The following BORCS5 variants were observed in gnomAD, a reference collection of about 807,000 sequenced individuals.
The protein encoded by BORCS5 is BLOC-1 related complex subunit 5.
Under a neutral mutation model 22.1 loss-of-function variants are expected in BORCS5, and 17 were observed. The observed-to-expected ratio is 0.77, with a 90% CI of 0.53 to 1.15. BORCS5 has a LOEUF of 1.15. BORCS5 is among the 50% of genes most tolerant of loss of function. The pLI, the probability that BORCS5 is intolerant of heterozygous loss-of-function variation, is 0.00. For synonymous variants in BORCS5, 117 were observed against 99.8 expected, an observed-to-expected ratio of 1.17 and a Z score of -1.03; for missense variants, 247 against 253.2, an observed-to-expected ratio of 0.98 and a Z score of 0.17.
At chr12:12,405,230 C>G (rs1941569569) in intron 2 of BORCS5, among the ~76,000 whole-genome samples, 1 of 152,182 alleles carries the variant, frequency 6.6e-6, no homozygotes, top group South Asian at 2.1e-4. Context: ...CATCTTGATT[C>G]TAAAGTATAA....
At chr12:12,457,435 C>T (rs1389601110) in intron 3 of BORCS5, among the ~76,000 whole-genome samples, 6 of 152,276 alleles carry the variant, frequency 3.9e-5, no homozygotes, top group Admixed American at 1.3e-4. Flanking sequence ...TTTGGGAGGC[C>T]GAGGCGGGCG....
At chr12:12,389,816 G>T (rs923960477) in intron 2 of BORCS5, among the ~76,000 whole-genome samples, 1 of 151,870 alleles carries the variant, frequency 6.6e-6, no homozygotes, top group Non-Finnish European at 1.5e-5. Flanking sequence ...GCTAATTTTT[G>T]TATTTTTAGT....
At chr12:12,457,137 G>A (rs1943011692) in intron 3 of BORCS5, among the ~76,000 whole-genome samples, 2 of 152,098 alleles carry the variant, frequency 1.3e-5, no homozygotes, top group Admixed American at 6.5e-5. Flanking sequence ...TTTTTCCTGG[G>A]AACTGTTCTA....
chr12:12,409,731 T>C (rs1292099544), intron 2 of BORCS5, among the ~76,000 whole-genome samples: 1 of 152,160 alleles, frequency 6.6e-6, no homozygotes, highest in African/African-American at 2.4e-5. Context: ...TTATAATCCT[T>C]TGGGTATATA....
intron 2 of BORCS5, among the ~76,000 whole-genome samples, chr12:12,374,284 C>A (rs999855952): frequency 6.6e-6 from 1 of 151,812 alleles, no homozygotes; most frequent in African/African-American, 2.4e-5. Flanking sequence ...AGCCACCGCA[C>A]CCGGCCAAGG....
chr12:12,401,330 G>T (rs775476296), intron 2 of BORCS5, among the ~76,000 whole-genome samples: 59 of 152,118 alleles, frequency 3.9e-4, no homozygotes, highest in Non-Finnish European at 5.9e-4. Flanking sequence ...TATTGTCCCA[G>T]CTGTTCCTTG....
In BORCS5 at chr12:12,415,569, G is replaced by GAGGGGA. The variant is rs1941921444; in HGVS notation, c.203-20054_203-20053insAAGGGG. On this transcript the variant is annotated intron_variant, in intron 2 of 3. Coordinates refer to ENST00000314565, the MANE Select transcript of BORCS5 (RefSeq NM_058169.6). ...GAGACCGTGGAGAGAGGGGGAGGGG[G>GAGGGGA]AGGGGGAGGGGCGATTTTGTGGTTT... Among the ~76,000 whole-genome samples the GAGGGGA allele has an allele frequency of 1.5e-3, 139 of 93,458 alleles. 6 individuals carry two copies. The highest frequency in any genetic ancestry group is 5.4e-3 in the African/African-American group (128 of 23,522). The allele number at this position is 93,458 out of a possible 152,430, so 61.3% of individuals were successfully genotyped here.
chr12:12,463,377 A>G (rs1040550125), intron 3 of BORCS5, among the ~76,000 whole-genome samples: 5 of 152,206 alleles, frequency 3.3e-5, no homozygotes, highest in African/African-American at 1.2e-4. Context: ...TTTAAAAGGT[A>G]ATAACTTTCC....
rs71436712 is a variant in BORCS5 at position 12,362,636 on chromosome 12, C to CTTTTTTTTTTTTT, written c.202+1301_202+1313dup. Among the ~76,000 whole-genome samples the CTTTTTTTTTTTTT allele has an allele frequency of 2.1e-4, 12 of 57,586 alleles. 2 individuals carry two copies. Among genetic ancestry groups the CTTTTTTTTTTTTT allele is most frequent in the African/African-American group, 5.5e-4 (10 of 18,272 alleles). The allele number at this position is 57,586 out of a possible 152,430, so 37.8% of individuals were successfully genotyped here. A position where few individuals can be genotyped will look rare whatever the true frequency, so the allele number is the denominator to read the frequency against. On this transcript the variant is annotated intron_variant, in intron 2 of 3. Coordinates refer to ENST00000314565, the MANE Select transcript of BORCS5 (RefSeq NM_058169.6). ...CAACACATTATATCATGTTACTCAT[C>CTTTTTTTTTTTTT]TTTTTTTTTTTTTTTTTTTTTTTTT...
intron 3 of BORCS5, among the ~76,000 whole-genome samples, chr12:12,460,371 A>G (rs1232102711): frequency 6.6e-6 from 1 of 152,230 alleles, no homozygotes; most frequent in African/African-American, 2.4e-5. Context: ...CAGCCTTGCT[A>G]ACTTCACTTT....
chr12:12,432,600 A>C (rs1455715876), intron 2 of BORCS5, among the ~76,000 whole-genome samples: 1 of 152,352 alleles, frequency 6.6e-6, no homozygotes, highest in East Asian at 1.9e-4. Flanking sequence ...TGTTTGTAAT[A>C]GCCCCAAACT....
intron 2 of BORCS5, among the ~76,000 whole-genome samples, chr12:12,419,714 A>G (rs548345543): frequency 6.6e-6 from 1 of 152,094 alleles, no homozygotes; most frequent in Non-Finnish European, 1.5e-5. Flanking sequence ...ATGTTGTTTC[A>G]TGACTTTTTA....
intron 2 of BORCS5, among the ~76,000 whole-genome samples, chr12:12,396,154 AT>A (rs1243656328): frequency 6.6e-6 from 1 of 151,836 alleles, no homozygotes; most frequent in Non-Finnish European, 1.5e-5. Context: ...CGCCCAGCTA[AT>A]TTTTGTATTT....
chr12:12,438,437 G>A (rs187129367), intron 3 of BORCS5, among the ~76,000 whole-genome samples: 4 of 150,370 alleles, frequency 2.7e-5, no homozygotes, highest in Admixed American at 2.6e-4. Context: ...GTTTAGTAAA[G>A]TGTGGTACGG....
chr12:12,388,411 C>T lies in BORCS5; in HGVS notation c.202+27062C>T, dbSNP rs887194719. On this transcript the variant is annotated intron_variant, in intron 2 of 3. Coordinates refer to ENST00000314565, the MANE Select transcript of BORCS5 (RefSeq NM_058169.6). ...ATGGCTGCTCCTAATTTAGATGGGA[C>T]GAAATCAACAAAAAGGAACTGCTGG... Among the ~76,000 whole-genome samples the T allele has an allele frequency of 3.3e-5, 5 of 150,828 alleles. No homozygotes were observed. The East Asian group carries it at 5.8e-4, about 17-fold the overall frequency.
At chr12:12,405,487 G>T (rs766563024) in intron 2 of BORCS5, among the ~76,000 whole-genome samples, 28 of 152,184 alleles carry the variant, frequency 1.8e-4, no homozygotes, top group Non-Finnish European at 3.5e-4. Context: ...CCATCACTGT[G>T]ATTTTTTTAT....
chr12:12,379,105 T>C lies in BORCS5; in HGVS notation c.202+17756T>C, dbSNP rs1863719672. ...TTCTATTTCTTTCTTTCTTCTTTCT[T>C]CTTTCTTTTCTCTTTTTTTTTTTTC... On this transcript the variant is annotated intron_variant, in intron 2 of 3. Transcript: ENST00000314565. Among the ~76,000 whole-genome samples, 2 of 150,452 alleles carry C rather than the reference T, an allele frequency of 1.3e-5. 1 individual carries two copies. Among genetic ancestry groups the C allele is most frequent in the Admixed American group, 1.3e-4 (2 of 15,094 alleles).
At chr12:12,459,274 T>G (rs976052991) in intron 3 of BORCS5, among the ~76,000 whole-genome samples, 4 of 152,174 alleles carry the variant, frequency 2.6e-5, no homozygotes, top group African/African-American at 7.2e-5. Context: ...GTTAACACTT[T>G]TTGAAACTTA....
intron 2 of BORCS5, among the ~76,000 whole-genome samples, chr12:12,367,282 T>C (rs1232219128): frequency 6.6e-6 from 1 of 152,238 alleles, no homozygotes; most frequent in Non-Finnish European, 1.5e-5. Context: ...TAAAAGTCTT[T>C]GCATTCATCA....
Sources: allele counts gnomAD v4.1 joint callset (sites outside exome capture counted in the v4.1 genomes callset), GRCh38; gene constraint gnomAD v4.1.1; transcripts MANE v1.5; gene names NCBI Gene and HGNC (gene_info 2026-07-23, HGNC 2026-07-21).